The following PTPRT variants were observed in gnomAD, a reference collection of about 807,000 sequenced individuals.
The protein encoded by PTPRT is receptor-type tyrosine-protein phosphatase T.
Under a neutral mutation model 176.8 loss-of-function variants are expected in PTPRT, and 56 were observed. The ratio of observed to expected loss-of-function variants is 0.32; its 90% CI spans 0.26 to 0.40. PTPRT has a LOEUF of 0.40. Among genes scored for constraint, PTPRT ranks in the 10% least tolerant of loss-of-function variants. PTPRT has a pLI of 1.00. For missense variants in PTPRT, 1,540 were observed against 1,908.2 expected (o/e 0.81, Z 3.60); for synonymous variants, 783 against 739.0 (o/e 1.06, Z -0.96).
chr20:42,826,687 A>T (rs1022720523), intron 2 of PTPRT, among the ~76,000 whole-genome samples: 2 of 152,218 alleles, frequency 1.3e-5, no homozygotes, highest in Non-Finnish European at 2.9e-5. Flanking sequence ...AAATGGCAAG[A>T]TCAAATTCAC....
At chr20:42,366,920 CA>C (rs1469747088) in intron 9 of PTPRT, among the ~76,000 whole-genome samples, 3 of 152,198 alleles carry the variant, frequency 2.0e-5, no homozygotes, top group African/African-American at 7.2e-5. Flanking sequence ...AACTAAAAAC[CA>C]GAAAAGAAAG....
intron 17 of PTPRT, among the ~76,000 whole-genome samples, chr20:42,143,413 C>T (rs1988716708): frequency 2.0e-5 from 3 of 151,948 alleles, no homozygotes; most frequent in African/African-American, 2.4e-5. Context: ...AAAAATTAGC[C>T]GGGCATGGTG....
At chr20:42,804,796 T>C (rs1355226042) in intron 2 of PTPRT, among the ~76,000 whole-genome samples, 1 of 152,238 alleles carries the variant, frequency 6.6e-6, no homozygotes, top group Non-Finnish European at 1.5e-5. Context: ...TCCTTATCTC[T>C]GCCTTCAGAT....
chr20:42,496,130 C>T (rs546518903), intron 7 of PTPRT, among the ~76,000 whole-genome samples: 33 of 152,040 alleles, frequency 2.2e-4, no homozygotes, highest in South Asian at 8.3e-4. Flanking sequence ...CATCATAAAG[C>T]TCTTCATTTT....
chr20:42,413,970 C>T (rs1322104164), intron 9 of PTPRT, among the ~76,000 whole-genome samples: 2 of 152,160 alleles, frequency 1.3e-5, no homozygotes, highest in East Asian at 3.9e-4. Flanking sequence ...CTTGCCTCAT[C>T]CTCCCGAGGA....
At chr20:42,189,669 G>T (rs1361065183) in intron 16 of PTPRT, among the ~76,000 whole-genome samples, 3 of 152,136 alleles carry the variant, frequency 2.0e-5, no homozygotes, top group Admixed American at 6.5e-5. Flanking sequence ...CCTTTGAAGG[G>T]TACCGTGGGA....
rs149321349 is a variant in PTPRT at position 42,993,873 on chromosome 20, C to A, written c.89-107941G>T. On this transcript the variant is annotated intron_variant, in intron 1 of 30. Transcript: ENST00000373187. ...CATCGCTTGTCACACAGCGAAATAA[C>A]CAATTTATGCGAGTAAGCCCTGTTG... Among the ~76,000 whole-genome samples, 78 of 152,076 alleles carry A rather than the reference C, an allele frequency of 5.1e-4. 1 individual carries two copies. The highest frequency in any genetic ancestry group is 1.6e-3 in the African/African-American group (65 of 41,450).
chr20:42,109,245 AG>A (rs1389875199), intron 23 of PTPRT, among the ~76,000 whole-genome samples: 1 of 151,926 alleles, frequency 6.6e-6, no homozygotes, highest in Non-Finnish European at 1.5e-5. Flanking sequence ...ACAAACTGCC[AG>A]GGCAGGGATG....
chr20:42,385,825 C>T (rs545892714), intron 9 of PTPRT, among the ~76,000 whole-genome samples: 7 of 152,104 alleles, frequency 4.6e-5, no homozygotes, highest in East Asian at 1.9e-4. Flanking sequence ...ACCACCCCCA[C>T]GATTCAATTA....
At chr20:42,056,500 CA>C in the PTPRT span, among the ~76,000 whole-genome samples, 1 of 152,138 alleles carries the variant, frequency 6.6e-6, no homozygotes, top group Non-Finnish European at 1.5e-5. Flanking sequence ...AACCATTCAC[CA>C]AATATCTTCT....
chr20:43,039,915 C>G (rs1187574648), intron 1 of PTPRT, among the ~76,000 whole-genome samples: 3 of 152,020 alleles, frequency 2.0e-5, no homozygotes, highest in Non-Finnish European at 2.9e-5. Flanking sequence ...GTGGCATGCG[C>G]CTGTAGACCC....
intron 1 of PTPRT, among the ~76,000 whole-genome samples, chr20:43,026,411 C>T (rs911756491): frequency 6.6e-6 from 1 of 151,990 alleles, no homozygotes; most frequent in Non-Finnish European, 1.5e-5. Flanking sequence ...CCACCGAAGC[C>T]CAGCCTAGAG....
intron 15 of PTPRT, among the ~76,000 whole-genome samples, chr20:42,208,249 AC>A (rs1449268147): frequency 8.1e-6 from 1 of 122,818 alleles, no homozygotes; most frequent in Non-Finnish European, 1.7e-5. Context: ...GAGCAAAATC[AC>A]CAGCTAACGT....
At chr20:42,391,856 C>T (rs185455158) in intron 9 of PTPRT, among the ~76,000 whole-genome samples, 14 of 152,218 alleles carry the variant, frequency 9.2e-5, no homozygotes, top group African/African-American at 1.4e-4. Flanking sequence ...TTTCAGATGC[C>T]GAGCATAAGC....
At chr20:42,925,358 T>A (rs1979411832) in intron 1 of PTPRT, among the ~76,000 whole-genome samples, 1 of 152,108 alleles carries the variant, frequency 6.6e-6, no homozygotes, top group Admixed American at 6.5e-5. Context: ...AAAACATAAG[T>A]AAATGTTGGC....
chr20:42,422,023 C>A (rs1324855943), intron 9 of PTPRT, among the ~76,000 whole-genome samples: 2 of 152,178 alleles, frequency 1.3e-5, no homozygotes, highest in Non-Finnish European at 2.9e-5. Context: ...GAAACTAAAC[C>A]TTTTCCTTAC....
chr20:42,826,137 G>C (rs747603748), intron 2 of PTPRT, among the ~76,000 whole-genome samples: 1 of 152,026 alleles, frequency 6.6e-6, no homozygotes, highest in Admixed American at 6.6e-5. Context: ...CTGAGAGGGG[G>C]TAAGTCACCA....
chr20:43,083,343 T>TATAC (rs2011503775), intron 1 of PTPRT, among the ~76,000 whole-genome samples: 1 of 115,312 alleles, frequency 8.7e-6, no homozygotes, highest in African/African-American at 3.2e-5. Context: ...TATATATATA[T>TATAC]ATATATATAT....
chr20:42,354,763 C>A (rs1057036053), intron 9 of PTPRT, among the ~76,000 whole-genome samples: 7 of 152,344 alleles, frequency 4.6e-5, no homozygotes, highest in African/African-American at 1.7e-4. Flanking sequence ...CAAAAATAAG[C>A]AATTTGCTGT....
Sources: gnomAD v4.1 joint callset for allele counts (sites outside exome capture counted in the v4.1 genomes callset) on GRCh38, gnomAD v4.1.1 for gene constraint, MANE v1.5 for transcripts, NCBI Gene and HGNC (gene_info 2026-07-23, HGNC 2026-07-21) for gene names.